ANKFN1: variants seen among roughly 807,000 people sequenced by gnomAD.
ANKFN1 encodes the protein ankyrin repeat and fibronectin type III domain containing 1.
ANKFN1 carries 74 observed loss-of-function variants against 108.7 expected under a neutral mutation model. The ratio of observed to expected loss-of-function variants is 0.68; its 90% confidence interval spans 0.56 to 0.83. ANKFN1 has a LOEUF of 0.83. Among genes scored for constraint, ANKFN1 ranks in the 40% least tolerant of loss-of-function variants. The pLI is 0.00. For missense variants in ANKFN1, 1,505 were observed against 1,382.3 expected, an observed-to-expected ratio of 1.09 and a Z score of -1.41; for synonymous variants, 547 against 516.2, an observed-to-expected ratio of 1.06 and a Z score of -0.81.
At chr17:56,455,916 C>T (rs1014037631) in intron 11 of ANKFN1, among the ~76,000 whole-genome samples, 13 of 152,170 alleles carry the variant, frequency 8.5e-5, no homozygotes, top group Non-Finnish European at 1.8e-4. Flanking sequence ...TCAGTTTCTT[C>T]TTCTGAATAA....
At chr17:56,349,671 G>A (rs533670548) in intron 4 of ANKFN1, among the ~76,000 whole-genome samples, 8 of 152,070 alleles carry the variant, frequency 5.3e-5, no homozygotes, top group East Asian at 1.9e-4. Flanking sequence ...AATATTTAAC[G>A]TGATGGGAAT....
Position 56,108,010 on chromosome 17 carries a change from C to A in ANKFN1, c.288+61685C>A, listed in dbSNP as rs1032106171. ...CCAAGTGGCTGGGACTACATGCATG[C>A]GCCACCACACCTGGCTAATTTTTTG... On this transcript the variant is annotated intron_variant, in intron 4 of 12. Transcript: ENST00000635860. 3.3e-5 allele frequency among the ~76,000 whole-genome samples: 5 copies of A among 151,998 alleles called. No homozygotes were observed. The South Asian group carries it at 1.0e-3, about 32-fold the overall frequency.
Position 56,121,618 on chromosome 17 carries a change from TA to T in ANKFN1, c.288+75294del, listed in dbSNP as rs1035769332. 4.0e-5 allele frequency among the ~76,000 whole-genome samples: 6 copies of T among 151,522 alleles called. No homozygotes were observed. In the East Asian group the frequency reaches 7.8e-4, roughly 20 times the overall value. ...TGAAATACGTACAGAGGGAGAGTGC[TA>T]GGGGAAAAAAAGGGTGGGGGAGAGG... is the stretch of plus-strand genomic sequence containing the variant. On this transcript the variant is annotated intron_variant, in intron 4 of 12. Transcript: ENST00000635860.
At chr17:56,369,850 A>G in intron 6 of ANKFN1, among the ~76,000 whole-genome samples, 1 of 152,232 alleles carries the variant, frequency 6.6e-6, no homozygotes, top group Admixed American at 6.5e-5. Context: ...TACTTTTAAC[A>G]ACAGATGCAA....
intron 8 of ANKFN1, among the ~76,000 whole-genome samples, chr17:56,395,133 T>C (rs2047541944): frequency 6.6e-6 from 1 of 152,158 alleles, no homozygotes; most frequent in Non-Finnish European, 1.5e-5. Context: ...CAGCTAGGGT[T>C]CCAGCAGAAA....
chr17:56,293,060 A>G (rs886634108), intron 3 of ANKFN1, among the ~76,000 whole-genome samples: 4 of 152,166 alleles, frequency 2.6e-5, no homozygotes, highest in Admixed American at 2.6e-4. Flanking sequence ...TTCATTCAGA[A>G]ATTACTCATT....
At chr17:56,208,486 G>A (rs761345936) in intron 1 of ANKFN1, among the ~76,000 whole-genome samples, 22 of 152,030 alleles carry the variant, frequency 1.4e-4, no homozygotes, top group Non-Finnish European at 4.4e-5. Context: ...GCTGTCCCCC[G>A]GGGATAAGGT....
chr17:56,457,959 G>T lies in ANKFN1; in HGVS notation c.1537G>T (p.Ala513Ser). Residue 513 changes from alanine (A) to serine (S), a missense_variant, in exon 14 of 21, where the codon GCA becomes TCA. By Grantham distance (99) the Ala-to-Ser change is moderately conservative. Transcript: ENST00000682825. The part of the protein sequence containing the change: ...TVLQTRQKML[A>S]ATAQLQNLLG... The stretch of plus-strand genomic sequence containing the variant: ...GCTGCAAACTCGGCAGAAGATGCTC[G>T]CAGCAACAGCACAGCTACAGGTAAG... The T allele has an allele frequency of 6.2e-7, 1 of 1,613,884 alleles. No homozygotes were observed. The highest frequency in any genetic ancestry group is 8.5e-7 in the Non-Finnish European group (1 of 1,179,892).
intron 4 of ANKFN1, among the ~76,000 whole-genome samples, chr17:56,054,073 G>T (rs1372698576): frequency 6.6e-6 from 1 of 152,126 alleles, no homozygotes; most frequent in Non-Finnish European, 1.5e-5. Flanking sequence ...ACAAAAAATA[G>T]ATGTTGGCTT....
chr17:56,242,426 A>G (rs996669701), intron 3 of ANKFN1, among the ~76,000 whole-genome samples: 5 of 152,068 alleles, frequency 3.3e-5, no homozygotes, highest in African/African-American at 9.7e-5. Flanking sequence ...ATCTTTTGAT[A>G]TATTTATTAG....
At chr17:56,101,529 T>C (rs138445069) in intron 4 of ANKFN1, among the ~76,000 whole-genome samples, 2 of 152,354 alleles carry the variant, frequency 1.3e-5, no homozygotes, top group African/African-American at 2.4e-5. Flanking sequence ...TGTTATATGA[T>C]AGTACTACTC....
chr17:56,313,180 G>A (rs942243652), intron 3 of ANKFN1, among the ~76,000 whole-genome samples: 12 of 151,954 alleles, frequency 7.9e-5, no homozygotes, highest in South Asian at 6.2e-4. Flanking sequence ...AAAAACCAGG[G>A]TGCTGAAATA....
chr17:56,329,865 G>A (rs1202661899), intron 4 of ANKFN1, among the ~76,000 whole-genome samples: 1 of 152,154 alleles, frequency 6.6e-6, no homozygotes, highest in African/African-American at 2.4e-5. Context: ...CCCAACCCCA[G>A]AGAGCTAACT....
At position 56,492,207 on chromosome 17, in the gene ANKFN1, G is replaced by C. The variant is rs1433473714; in HGVS notation, c.2281G>C (p.Glu761Gln). 4.6e-5 allele frequency: 32 copies of C among 700,922 alleles called. No individual in the cohort carries two copies. The highest frequency in any genetic ancestry group is 5.7e-5 in the Non-Finnish European group (22 of 383,600). 43.4% of individuals were successfully genotyped at this position (700,922 alleles called of 1,614,324 possible). A position where few individuals can be genotyped will look rare whatever the true frequency, so the allele number is the denominator to read the frequency against. ...FELVHFCSYR[E>Q]KFISLYCRLS... ...TCCAGTTCATTTTTGCAGCTACAGA[G>C]AGAAATTTATTAGTCTGTATTGCCG... Residue 761 changes from glutamate to glutamine, a missense_variant, in exon 19 of 21, where the codon GAG becomes CAG. Transcript: ENST00000682825.
At chr17:56,421,711 G>A (rs146054468) in intron 8 of ANKFN1, among the ~76,000 whole-genome samples, 147 of 152,138 alleles carry the variant, frequency 9.7e-4, no homozygotes, top group African/African-American at 3.3e-3. Flanking sequence ...TAAAATTTGC[G>A]AACCCTTCAA....
intron 1 of ANKFN1, among the ~76,000 whole-genome samples, chr17:56,193,167 C>T (rs1202577251): frequency 9.2e-6 from 1 of 108,606 alleles, no homozygotes; most frequent in Non-Finnish European, 1.7e-5. Flanking sequence ...AAACCAAACA[C>T]CGCATATTCT....
At chr17:56,483,387 G>T (rs2050771508) in intron 18 of ANKFN1, among the ~76,000 whole-genome samples, 1 of 152,168 alleles carries the variant, frequency 6.6e-6, no homozygotes, top group African/African-American at 2.4e-5. Flanking sequence ...TCTCTGGATT[G>T]CTCCCCAGCC....
chr17:56,074,470 A>G (rs1905158210), intron 4 of ANKFN1, among the ~76,000 whole-genome samples: 2 of 152,188 alleles, frequency 1.3e-5, no homozygotes, highest in South Asian at 4.1e-4. Flanking sequence ...GCTAAGTACA[A>G]CAGGTTTGAG....
intron 6 of ANKFN1, among the ~76,000 whole-genome samples, chr17:56,362,914 A>C (rs1198822105): frequency 6.6e-6 from 1 of 152,188 alleles, no homozygotes; most frequent in Non-Finnish European, 1.5e-5. Flanking sequence ...TAAATAAATC[A>C]ATTTAAAAAT....
Sources: allele counts gnomAD v4.1 joint callset (sites outside exome capture counted in the v4.1 genomes callset), GRCh38; gene constraint gnomAD v4.1.1; transcripts MANE v1.5; gene names NCBI Gene and HGNC (gene_info 2026-07-23, HGNC 2026-07-21).